RCC1L: variants seen among roughly 807,000 people sequenced by gnomAD.
RCC1L encodes the protein RCC1-like G exchanging factor-like protein.
Under a neutral mutation model 58.6 loss-of-function variants are expected in RCC1L, and 46 were observed. The ratio of observed to expected loss-of-function variants is 0.79; its 90% CI spans 0.62 to 1.00. The LOEUF (loss-of-function observed/expected upper bound fraction) is 1.00, where lower values mean the gene tolerates loss of function less well. Ranked by LOEUF, RCC1L falls within the 50% of genes least tolerant of loss-of-function variation. The probability of loss-of-function intolerance (pLI) is 0.00; values close to 1 mark genes in which losing one functional copy is unlikely to be tolerated. For missense variants in RCC1L, 636 were observed against 623.6 expected (o/e 1.02, Z -0.21); for synonymous variants, 281 against 262.9 (o/e 1.07, Z -0.67).
rs587693895 is a variant in RCC1L, at chr7:75,064,495, G to A, written c.650+87C>T. On this transcript the variant is annotated intron_variant, in intron 4 of 10. Coordinates refer to ENST00000610322, the MANE Select transcript of RCC1L (RefSeq NM_030798.5). ...CCCCCTCTCAGGCATGCCTCTGACCGCCCCGCGGGTTTACCACAGTCATCT... is the reference window on the plus strand; with the variant it reads ...CCCCCTCTCAGGCATGCCTCTGACCACCCCGCGGGTTTACCACAGTCATCT... 2.5e-5 allele frequency: 37 copies of A among 1,486,288 alleles called. 1 individual carries two copies. In the African/African-American group the frequency reaches 3.2e-4, roughly 13 times the overall value. 92.1% of individuals were successfully genotyped at this position (1,486,288 alleles called of 1,614,324 possible).
intron 3 of RCC1L, among the ~76,000 whole-genome samples, chr7:75,065,658 A>G (rs1436778670): frequency 1.1e-4 from 17 of 152,150 alleles, no homozygotes; most frequent in Non-Finnish European, 1.5e-5. Context: ...AGGGGCCCGG[A>G]CTCTGAAAGC....
chr7:75,028,188 G>C, intron 10 of RCC1L: 1 of 1,013,134 alleles, frequency 9.9e-7, no homozygotes, highest in Non-Finnish European at 1.4e-6. Context: ...CATGATCTCA[G>C]CTCACTGCAG....
chr7:75,071,780 A>G (rs1806736271), intron 1 of RCC1L, among the ~76,000 whole-genome samples: 1 of 152,036 alleles, frequency 6.6e-6, no homozygotes, highest in Admixed American at 6.6e-5. Flanking sequence ...TTACCTCTAT[A>G]TCTGTTTCTC....
intron 2 of RCC1L, among the ~76,000 whole-genome samples, chr7:75,069,862 C>G (rs1806655809): frequency 6.6e-6 from 1 of 152,090 alleles, no homozygotes; most frequent in South Asian, 2.1e-4. Flanking sequence ...CTCGGCTTCC[C>G]AAAGTGCTGG....
chr7:75,037,440 C>T (rs1193580763), downstream of RCC1L, among the ~76,000 whole-genome samples: 5 of 151,964 alleles, frequency 3.3e-5, no homozygotes, highest in South Asian at 2.1e-4. Flanking sequence ...CCGTCCGCCT[C>T]GGCCTCCCAA....
In RCC1L at chr7:75,042,995, T is replaced by C. The variant is rs1473569039; in HGVS notation, c.*37A>G. 6.2e-7 allele frequency: 1 copy of C among 1,613,918 alleles called. No individual in the cohort carries two copies. The highest frequency in any genetic ancestry group is 2.2e-5 in the East Asian group (1 of 44,882). On this transcript the variant is annotated 3_prime_UTR_variant, in exon 11 of 11. Transcript: ENST00000610322. ...GGCCTCTGCCAAGGAGTGCCAGTGG[T>C]TCCCGGGACGGGGCCGCCCAAGCAG... is the stretch of plus-strand genomic sequence containing the variant.
chr7:75,028,122 T>TTTG (rs2131963035), intron 10 of RCC1L: 1 of 1,475,420 alleles, frequency 6.8e-7, no homozygotes, highest in African/African-American at 1.4e-5. Flanking sequence ...TGGAATTTTT[T>TTTG]TTTTTTTTTT....
chr7:75,047,876 A>C (rs1445129900), intron 10 of RCC1L, among the ~76,000 whole-genome samples: 2 of 137,474 alleles, frequency 1.5e-5, no homozygotes, highest in Non-Finnish European at 3.1e-5. Context: ...CGAACTCCTG[A>C]CCCCATGATC....
At chr7:75,052,869 G>A in intron 9 of RCC1L, 73 bp from the exon 10 acceptor site, 1 of 1,406,074 alleles carries the variant, frequency 7.1e-7, no homozygotes, top group South Asian at 1.2e-5. Context: ...GATGGGTCAT[G>A]AGAACAGGCT....
chr7:75,046,128 A>G (rs1481007890), intron 10 of RCC1L, among the ~76,000 whole-genome samples: 6 of 152,258 alleles, frequency 3.9e-5, no homozygotes, highest in Admixed American at 3.3e-4. Context: ...TCCTGGCCAC[A>G]GCAGATGGAT....
At chr7:75,031,747 A>G (rs1368135485) in intron 10 of RCC1L, among the ~76,000 whole-genome samples, 2 of 152,122 alleles carry the variant, frequency 1.3e-5, no homozygotes, top group Non-Finnish European at 2.9e-5. Flanking sequence ...GCTTAACATG[A>G]TCATTATTTA....
chr7:75,064,580 A>G lies in RCC1L; in HGVS notation c.650+2T>C. 1 of 1,613,812 alleles carries G rather than the reference A, an allele frequency of 6.2e-7. No homozygotes were observed. The highest frequency in any genetic ancestry group is 1.7e-4 in the Middle Eastern group (1 of 6,054). The stretch of plus-strand genomic sequence containing the variant: ...GGAAGGGTAGGCCTTTTAGGAACTC[A>G]CCTGTAAATTTCATTTTCGACCACC... On this transcript the variant is annotated splice_donor_variant, in intron 4 of 10. Coordinates refer to ENST00000610322, the MANE Select transcript of RCC1L (RefSeq NM_030798.5). LOFTEE classifies it high-confidence loss of function.
chr7:75,059,552 G>A (rs975427431), intron 6 of RCC1L, among the ~76,000 whole-genome samples: 3 of 151,942 alleles, frequency 2.0e-5, no homozygotes, highest in Non-Finnish European at 2.9e-5. Context: ...GATTATAGGC[G>A]TGAGCCACTG....
chr7:75,073,672 C>G lies in RCC1L; in HGVS notation c.66G>C (p.Gly22=). The G allele has an allele frequency of 6.7e-7, 1 of 1,497,876 alleles. No homozygotes were observed. Among genetic ancestry groups the G allele is most frequent in the South Asian group, 1.2e-5 (1 of 80,068 alleles). 92.8% of individuals were successfully genotyped at this position (1,497,876 alleles called of 1,614,324 possible). A position where few individuals can be genotyped will look rare whatever the true frequency, so the allele number is the denominator to read the frequency against. ...GCCCGGCCGCCGTCCAGTGCCCTCG[C>G]CCCAGCCCCGGCCCGCTCAGCCGCC... The part of the protein sequence containing the change: ...LGRRLSGPGL[G]RGHWTAAGRS... The change falls in exon 1 of 11, where the codon GGG becomes GGC. Residue 22 remains glycine (G), a synonymous_variant. Transcript: ENST00000610322.
intron 1 of RCC1L, among the ~76,000 whole-genome samples, chr7:75,072,149 C>CATATATAT (rs1373236031): frequency 2.2e-4 from 8 of 35,894 alleles, no homozygotes; most frequent in Admixed American, 4.6e-4. Context: ...TATACATATA[C>CATATATAT]ATATACATAT....
chr7:75,067,199 G>A (rs1806527006), intron 2 of RCC1L, among the ~76,000 whole-genome samples: 2 of 152,134 alleles, frequency 1.3e-5, no homozygotes, highest in Admixed American at 6.6e-5. Context: ...TACTCGGGAG[G>A]CTGAGGCAGA....
At chr7:75,070,208 AAAC>A (rs1310400245) in intron 2 of RCC1L, among the ~76,000 whole-genome samples, 1 of 152,204 alleles carries the variant, frequency 6.6e-6, no homozygotes, top group Admixed American at 6.6e-5. Flanking sequence ...AGATGGTTTC[AAAC>A]AACATCCCTT....
intron 1 of RCC1L, among the ~76,000 whole-genome samples, chr7:75,072,155 C>CACATATATATATATAT (rs1554446214): frequency 2.1e-5 from 1 of 48,150 alleles, no homozygotes; most frequent in Non-Finnish European, 4.3e-5. Flanking sequence ...TATACATATA[C>CACATATATATATATAT]ATATACATAT....
chr7:75,038,656 C>G (rs930508894), downstream of RCC1L, among the ~76,000 whole-genome samples: 1 of 151,746 alleles, frequency 6.6e-6, no homozygotes, highest in East Asian at 1.9e-4. Context: ...GGTGGATGGA[C>G]GACAGCCTGT....
Sources: allele counts gnomAD v4.1 joint callset (sites outside exome capture counted in the v4.1 genomes callset), GRCh38; gene constraint gnomAD v4.1.1; transcripts MANE v1.5; gene names NCBI Gene and HGNC (gene_info 2026-07-23, HGNC 2026-07-21).